The following SYNPR variants were observed in gnomAD, a reference collection of about 807,000 sequenced individuals.
SYNPR encodes synaptoporin.
SYNPR carries 23 observed loss-of-function variants against 32.9 expected under a neutral mutation model. The observed-to-expected ratio is 0.70, with a 90% CI of 0.50 to 0.99. The LOEUF (loss-of-function observed/expected upper bound fraction) is 0.99, where lower values mean the gene tolerates loss of function less well. Among genes scored for constraint, SYNPR ranks in the 50% least tolerant of loss-of-function variants. SYNPR has a pLI of 0.00. For synonymous variants in SYNPR, 146 were observed against 135.9 expected (o/e 1.07, Z -0.52); for missense variants, 318 against 349.3 (o/e 0.91, Z 0.71).
At chr3:63,455,193 C>T (rs1700459007) in intron 2 of SYNPR, among the ~76,000 whole-genome samples, 1 of 152,028 alleles carries the variant, frequency 6.6e-6, no homozygotes, top group South Asian at 2.1e-4. Flanking sequence ...ACAAACAATG[C>T]TATTACTTAA....
chr3:63,210,938 C>T, the SYNPR span, among the ~76,000 whole-genome samples: 3 of 151,028 alleles, frequency 2.0e-5, no homozygotes, highest in Admixed American at 1.3e-4. Context: ...CACCTTCACA[C>T]ATCCTTTACT....
intron 4 of SYNPR, among the ~76,000 whole-genome samples, chr3:63,575,391 T>A (rs1702959018): frequency 6.6e-6 from 1 of 152,082 alleles, no homozygotes; most frequent in African/African-American, 2.4e-5. Context: ...CTCTTTCTCA[T>A]CATAAAGATG....
At chr3:63,277,480 A>G (rs1443664610), upstream of SYNPR, among the ~76,000 whole-genome samples, 1 of 152,164 alleles carries the variant, frequency 6.6e-6, no homozygotes, top group African/African-American at 2.4e-5. Flanking sequence ...TGAGTTTGAC[A>G]AGGGAGTTCA....
At chr3:63,304,202 C>G (rs1161731176) in intron 2 of SYNPR, among the ~76,000 whole-genome samples, 3 of 151,956 alleles carry the variant, frequency 2.0e-5, no homozygotes, top group Non-Finnish European at 4.4e-5. Flanking sequence ...CTAGAAGATC[C>G]TTTTCTGCAA....
rs374484633 is a variant in SYNPR at position 63,331,786 on chromosome 3, G to A, written c.84+53044G>A. 8.5e-5 allele frequency among the ~76,000 whole-genome samples: 13 copies of A among 152,326 alleles called. 1 individual carries two copies. The highest frequency in any genetic ancestry group is 3.1e-4 in the African/African-American group (13 of 41,566). Reference sequence around the variant, plus strand: ...AGAGAGGTTCAGAAACTTTTCTAAAGTCACACAGAATTGGACCGTGGACCT... The same window carrying A: ...AGAGAGGTTCAGAAACTTTTCTAAAATCACACAGAATTGGACCGTGGACCT... On this transcript the variant is annotated intron_variant, in intron 2 of 5. Transcript: ENST00000478300.
chr3:63,610,692 C>G (rs1700185220), intron 5 of SYNPR: 1 of 429,428 alleles, frequency 2.3e-6, no homozygotes, highest in Non-Finnish European at 4.1e-6. Flanking sequence ...TGTTTATAGA[C>G]AGTATTTAAT....
chr3:63,260,686 A>G (rs1160249164), intron 2 of SYNPR, among the ~76,000 whole-genome samples: 1 of 152,164 alleles, frequency 6.6e-6, no homozygotes, highest in African/African-American at 2.4e-5. Flanking sequence ...CTAAAACACC[A>G]AAAGCAATGG....
chr3:63,510,917 G>C (rs1187763846), intron 3 of SYNPR, among the ~76,000 whole-genome samples: 1 of 126,912 alleles, frequency 7.9e-6, no homozygotes, highest in Non-Finnish European at 1.8e-5. Flanking sequence ...AGGTACAACT[G>C]TGTGTGTGTG....
chr3:63,348,373 GTTAT>G (rs1205470521), intron 2 of SYNPR, among the ~76,000 whole-genome samples: 2 of 151,938 alleles, frequency 1.3e-5, no homozygotes, highest in Non-Finnish European at 2.9e-5. Context: ...TTTTAATGGG[GTTAT>G]TTGTTGTTGT....
intron 4 of SYNPR, among the ~76,000 whole-genome samples, chr3:63,603,664 A>G (rs906743078): frequency 6.6e-6 from 1 of 152,144 alleles, no homozygotes; most frequent in African/African-American, 2.4e-5. Flanking sequence ...TTGTGTATGT[A>G]GCACCAACCT....
intron 2 of SYNPR, among the ~76,000 whole-genome samples, chr3:63,285,474 TCTACG>T (rs1560179192): frequency 1.3e-5 from 2 of 152,220 alleles, no homozygotes; most frequent in African/African-American, 4.8e-5. Flanking sequence ...TGAGCAGCAA[TCTACG>T]ATTGACAGTT....
chr3:63,241,002 C>T (rs2086237830), intron 1 of SYNPR, among the ~76,000 whole-genome samples: 1 of 151,938 alleles, frequency 6.6e-6, no homozygotes, highest in Non-Finnish European at 1.5e-5. Context: ...AGTAAAATGA[C>T]CCTTATTTAT....
At chr3:63,610,117 G>A (rs1031754443) in intron 5 of SYNPR, among the ~76,000 whole-genome samples, 1 of 152,064 alleles carries the variant, frequency 6.6e-6, no homozygotes, top group Admixed American at 6.6e-5. Flanking sequence ...TAATAGCTAT[G>A]GTAATTTTTG....
At chr3:63,504,140 G>T (rs998840351) in intron 3 of SYNPR, among the ~76,000 whole-genome samples, 1 of 152,038 alleles carries the variant, frequency 6.6e-6, no homozygotes, top group African/African-American at 2.4e-5. Flanking sequence ...TTTTACCAAA[G>T]AATATGCTGA....
intron 2 of SYNPR, among the ~76,000 whole-genome samples, chr3:63,417,706 A>G (rs1459095237): frequency 1.3e-5 from 2 of 152,232 alleles, no homozygotes; most frequent in Non-Finnish European, 2.9e-5. Flanking sequence ...GCTCAACCCC[A>G]TGTGGAAGCT....
chr3:63,307,173 A>G (rs1032389554), intron 2 of SYNPR, among the ~76,000 whole-genome samples: 1 of 151,976 alleles, frequency 6.6e-6, no homozygotes, highest in Non-Finnish European at 1.5e-5. Context: ...TATTGTCTGC[A>G]TTTTACAGAT....
intron 2 of SYNPR, among the ~76,000 whole-genome samples, chr3:63,367,881 C>A (rs1386974772): frequency 1.3e-5 from 2 of 152,078 alleles, no homozygotes; most frequent in Non-Finnish European, 2.9e-5. Flanking sequence ...TGATTTTCTG[C>A]AGGAAGTGAC....
intron 2 of SYNPR, among the ~76,000 whole-genome samples, chr3:63,383,104 G>C (rs566739915): frequency 1.2e-4 from 19 of 152,238 alleles, no homozygotes; most frequent in African/African-American, 4.3e-4. Context: ...GGAGTTTAAG[G>C]TTTACATGAC....
At chr3:63,458,907 C>T (rs907231562) in intron 2 of SYNPR, among the ~76,000 whole-genome samples, 2 of 152,042 alleles carry the variant, frequency 1.3e-5, no homozygotes, top group East Asian at 3.9e-4. Context: ...AACTGAAAGT[C>T]CTGTATTCAT....
Sources: allele counts gnomAD v4.1 joint callset (sites outside exome capture counted in the v4.1 genomes callset), GRCh38; gene constraint gnomAD v4.1.1; transcripts MANE v1.5; gene names NCBI Gene and HGNC (gene_info 2026-07-23, HGNC 2026-07-21).